Variants in GALNT13 observed in about 807,000 individuals in gnomAD.
The protein encoded by GALNT13 is polypeptide N-acetylgalactosaminyltransferase 13.
Under a neutral mutation model 64.2 loss-of-function variants are expected in GALNT13, and 28 were observed. The ratio of observed to expected loss-of-function variants is 0.44; its 90% confidence interval spans 0.32 to 0.60. GALNT13 has a LOEUF of 0.60. GALNT13 is among the 20% of genes least tolerant of loss of function. GALNT13 has a pLI of 0.05. For synonymous variants in GALNT13, 214 were observed against 224.6 expected (o/e 0.95, Z 0.42); for missense variants, 577 against 669.8 (o/e 0.86, Z 1.53).
intron 9 of GALNT13, among the ~76,000 whole-genome samples, chr2:154,302,062 T>G (rs1574052364): frequency 6.6e-6 from 1 of 152,174 alleles, no homozygotes; most frequent in Non-Finnish European, 1.5e-5. Flanking sequence ...GAAGTATATA[T>G]ATTGAAATAG....
At chr2:153,878,456 T>C (rs2105230129) in intron 1 of GALNT13, among the ~76,000 whole-genome samples, 1 of 152,308 alleles carries the variant, frequency 6.6e-6, no homozygotes, top group Non-Finnish European at 1.5e-5. Context: ...TGCTTATAGC[T>C]TATTCCATTC....
the GALNT13 span, among the ~76,000 whole-genome samples, chr2:153,740,846 T>G: frequency 4.6e-5 from 7 of 152,174 alleles, no homozygotes; most frequent in Non-Finnish European, 7.4e-5. Flanking sequence ...GCAGAGTTTA[T>G]GCATATCATT....
At chr2:153,868,428 A>G (rs1685800464), upstream of GALNT13, among the ~76,000 whole-genome samples, 1 of 152,210 alleles carries the variant, frequency 6.6e-6, no homozygotes, top group African/African-American at 2.4e-5. Context: ...AGAAGAAAAT[A>G]TTATTAGATT....
chr2:154,029,306 C>A (rs1049993542), intron 3 of GALNT13, among the ~76,000 whole-genome samples: 1 of 151,756 alleles, frequency 6.6e-6, no homozygotes, highest in Non-Finnish European at 1.5e-5. Flanking sequence ...CTGGATCCTT[C>A]TCCCCTTCCC....
At chr2:153,343,090 A>G in the GALNT13 span, among the ~76,000 whole-genome samples, 1 of 152,318 alleles carries the variant, frequency 6.6e-6, no homozygotes, top group South Asian at 2.1e-4. Context: ...TGTCACTACA[A>G]TATTTGTTGA....
chr2:154,216,082 G>A (rs1475267214), intron 4 of GALNT13, among the ~76,000 whole-genome samples: 1 of 151,722 alleles, frequency 6.6e-6, no homozygotes. Context: ...AGTGAATGTA[G>A]GCATCTTTCT....
the GALNT13 span, among the ~76,000 whole-genome samples, chr2:153,537,666 T>C: frequency 6.6e-6 from 1 of 152,134 alleles, no homozygotes; most frequent in Non-Finnish European, 1.5e-5. Flanking sequence ...GGGAAGGGAT[T>C]CGCTTGTGGG....
the GALNT13 span, among the ~76,000 whole-genome samples, chr2:153,562,452 C>G: frequency 1.3e-5 from 2 of 152,058 alleles, no homozygotes; most frequent in African/African-American, 4.8e-5. Flanking sequence ...TGTCTGTCTT[C>G]TTTATTATTT....
intron 11 of GALNT13, among the ~76,000 whole-genome samples, chr2:154,421,325 G>T (rs1477381271): frequency 6.6e-6 from 1 of 151,898 alleles, no homozygotes; most frequent in Non-Finnish European, 1.5e-5. Flanking sequence ...ATTGAAAGTA[G>T]CCCAGTGTAA....
At chr2:153,668,398 A>C in the GALNT13 span, among the ~76,000 whole-genome samples, 1 of 152,206 alleles carries the variant, frequency 6.6e-6, no homozygotes, top group Non-Finnish European at 1.5e-5. Flanking sequence ...GGTCATATGA[A>C]CTGAAATCTC....
chr2:153,464,631 A>C, the GALNT13 span, among the ~76,000 whole-genome samples: 1 of 152,094 alleles, frequency 6.6e-6, no homozygotes, highest in Non-Finnish European at 1.5e-5. Context: ...CAAGATATCA[A>C]GATGACAATG....
At chr2:153,538,536 C>G in the GALNT13 span, among the ~76,000 whole-genome samples, 228 of 52,090 alleles carry the variant, frequency 4.4e-3, no homozygotes, top group East Asian at 6.2e-3. Flanking sequence ...TGCTATCCCT[C>G]CCCCCTCCCC....
chr2:154,369,971 A>G (rs1173856015), intron 9 of GALNT13, among the ~76,000 whole-genome samples: 1 of 152,160 alleles, frequency 6.6e-6, no homozygotes, highest in Non-Finnish European at 1.5e-5. Context: ...CACCTGATCC[A>G]TACTGTTCAG....
the GALNT13 span, among the ~76,000 whole-genome samples, chr2:153,767,402 C>T: frequency 6.6e-6 from 1 of 152,064 alleles, no homozygotes. Flanking sequence ...AGTTGTACTG[C>T]AATGAATGTA....
chr2:153,804,683 A>C, the GALNT13 span, among the ~76,000 whole-genome samples: 1 of 152,198 alleles, frequency 6.6e-6, no homozygotes, highest in Admixed American at 6.5e-5. Context: ...TAACATGGAA[A>C]TAACTACACA....
the GALNT13 span, among the ~76,000 whole-genome samples, chr2:153,583,560 G>A: frequency 6.6e-6 from 1 of 152,170 alleles, no homozygotes; most frequent in Admixed American, 6.5e-5. Context: ...GTGAATGAAT[G>A]CCTTTTTGTG....
intron 8 of GALNT13, among the ~76,000 whole-genome samples, chr2:154,283,662 T>C (rs1384420710): frequency 6.6e-6 from 1 of 151,772 alleles, no homozygotes; most frequent in African/African-American, 2.4e-5. Flanking sequence ...AGTGGGGCTA[T>C]AAGGCTAATA....
the GALNT13 span, among the ~76,000 whole-genome samples, chr2:153,393,796 T>C: frequency 6.6e-6 from 1 of 152,062 alleles, no homozygotes; most frequent in Non-Finnish European, 1.5e-5. Flanking sequence ...GGGGATTTTG[T>C]CAGCAGACTG....
chr2:153,768,787 AC>A, the GALNT13 span, among the ~76,000 whole-genome samples: 1 of 152,110 alleles, frequency 6.6e-6, no homozygotes, highest in Non-Finnish European at 1.5e-5. Context: ...AATGGTGTGA[AC>A]CCAGGAGGCG....
Sources: gnomAD v4.1 joint callset for allele counts (sites outside exome capture counted in the v4.1 genomes callset) on GRCh38, gnomAD v4.1.1 for gene constraint, MANE v1.5 for transcripts, NCBI Gene and HGNC (gene_info 2026-07-23, HGNC 2026-07-21) for gene names.